The following PTPRJ variants were observed in gnomAD, a reference collection of about 807,000 sequenced individuals.
The protein encoded by PTPRJ is protein tyrosine phosphatase receptor type J.
PTPRJ carries 129 observed loss-of-function variants against 141.3 expected under a neutral mutation model. The observed-to-expected ratio is 0.91, with a 90% CI of 0.79 to 1.06. The LOEUF is 1.06. Among genes scored for constraint, PTPRJ ranks in the 50% least tolerant of loss-of-function variants. PTPRJ has a pLI of 0.00. For synonymous variants in PTPRJ, 610 were observed against 640.5 expected, an observed-to-expected ratio of 0.95 and a Z score of 0.72; for missense variants, 1,601 against 1,679.7, an observed-to-expected ratio of 0.95 and a Z score of 0.82.
chr11:48,054,817 C>CT (rs34013393), intron 1 of PTPRJ, among the ~76,000 whole-genome samples: 22,723 of 140,368 alleles, frequency 0.16, 2,141 homozygotes, highest in African/African-American at 0.27. Context: ...TCCTTTCTTT[C>CT]TTTTTTTTTT....
At chr11:48,119,186 T>C (rs1856643611) in intron 3 of PTPRJ, among the ~76,000 whole-genome samples, 1 of 152,160 alleles carries the variant, frequency 6.6e-6, no homozygotes, top group Non-Finnish European at 1.5e-5. Context: ...TGTTGTTTCA[T>C]CATCCTCGTC....
intron 1 of PTPRJ, among the ~76,000 whole-genome samples, chr11:48,054,288 CA>C (rs1373252186): frequency 6.6e-6 from 1 of 152,188 alleles, no homozygotes; most frequent in Non-Finnish European, 1.5e-5. Context: ...TAGACTTGGA[CA>C]GGGGGCCCCA....
At position 48,021,376 on chromosome 11, in the gene PTPRJ, AAAATAAATAAAT is replaced by A. The variant is rs71457241; in HGVS notation, c.96+40404_96+40415del. Among the ~76,000 whole-genome samples the A allele has an allele frequency of 5.8e-3, 793 of 136,520 alleles. 1 individual carries two copies. Among genetic ancestry groups the A allele is most frequent in the African/African-American group, 0.014 (516 of 36,510 alleles). 89.6% of individuals were successfully genotyped at this position (136,520 alleles called of 152,430 possible). On this transcript the variant is annotated intron_variant, in intron 1 of 24. Transcript: ENST00000418331. Reference sequence around the variant, plus strand: ...GCGGCAAGAGCAAGACTCCGTCCCTAAAATAAATAAATAAATAAATAAATAAATAAATAAATA... The same window carrying A: ...GCGGCAAGAGCAAGACTCCGTCCCTAAAATAAATAAATAAATAAATAAATA...
chr11:48,023,194 T>C (rs751005535), intron 1 of PTPRJ, among the ~76,000 whole-genome samples: 2 of 152,160 alleles, frequency 1.3e-5, no homozygotes, highest in Non-Finnish European at 2.9e-5. Context: ...AAATTTAGTT[T>C]GCTGGAAGTC....
At position 48,135,170 on chromosome 11, in the gene PTPRJ, C is replaced by CT. The variant is rs36040052; in HGVS notation, c.1616-848dup. On this transcript the variant is annotated intron_variant, in intron 8 of 24. Transcript: ENST00000418331. ...CCACTTCAGATGACCCCTTGAAGGG[C>CT]TTTTTTTTTTTTTTTTTTTTTGAGA... Among the ~76,000 whole-genome samples the CT allele has an allele frequency of 6.8e-3, 587 of 86,718 alleles. 12 individuals carry two copies. Among genetic ancestry groups the CT allele is most frequent in the South Asian group, 0.025 (59 of 2,374 alleles). 56.9% of individuals were successfully genotyped at this position (86,718 alleles called of 152,430 possible). A position where few individuals can be genotyped will look rare whatever the true frequency, so the allele number is the denominator to read the frequency against.
At chr11:48,096,804 A>T (rs567942864) in intron 1 of PTPRJ, 1 of 154,806 alleles carries the variant, frequency 6.5e-6, no homozygotes, top group East Asian at 1.9e-4. Flanking sequence ...ATAAGAACAG[A>T]GGCCCAGATT....
intron 1 of PTPRJ, among the ~76,000 whole-genome samples, chr11:48,107,055 C>T (rs1373031584): frequency 6.6e-6 from 1 of 152,056 alleles, no homozygotes; most frequent in Admixed American, 6.6e-5. Context: ...AAGTGTGAGC[C>T]ACTGCTCCCG....
At chr11:48,145,794 G>C (rs1279059839) in intron 14 of PTPRJ, among the ~76,000 whole-genome samples, 1 of 151,668 alleles carries the variant, frequency 6.6e-6, no homozygotes, top group Non-Finnish European at 1.5e-5. Flanking sequence ...CCTGACCTCA[G>C]GTGATCTGCC....
intron 1 of PTPRJ, among the ~76,000 whole-genome samples, chr11:48,074,041 T>C (rs1855335493): frequency 6.6e-6 from 1 of 152,140 alleles, no homozygotes; most frequent in Non-Finnish European, 1.5e-5. Context: ...GTGCAGTGGC[T>C]CGATCATGGC....
chr11:48,071,902 A>AT (rs35087042), intron 1 of PTPRJ, among the ~76,000 whole-genome samples: 45,922 of 82,576 alleles, frequency 0.56, 16,428 homozygotes, highest in East Asian at 0.77. Context: ...ACGCCTGGCC[A>AT]TTTTTTTTTT....
chr11:48,035,320 C>T (rs1854091870), intron 1 of PTPRJ, among the ~76,000 whole-genome samples: 2 of 152,182 alleles, frequency 1.3e-5, no homozygotes, highest in African/African-American at 2.4e-5. Context: ...TAGGGCTTTC[C>T]TAAAGCACCG....
intron 1 of PTPRJ, among the ~76,000 whole-genome samples, chr11:48,003,970 T>A (rs1048143410): frequency 6.6e-6 from 1 of 152,216 alleles, no homozygotes; most frequent in African/African-American, 2.4e-5. Flanking sequence ...AATAATTGTT[T>A]ATGTTTTGTA....
At chr11:48,112,399 G>A (rs552122872) in intron 2 of PTPRJ, among the ~76,000 whole-genome samples, 11 of 152,336 alleles carry the variant, frequency 7.2e-5, no homozygotes, top group African/African-American at 2.6e-4. Context: ...AGAGACTCTA[G>A]GAGACTAGTA....
intron 1 of PTPRJ, among the ~76,000 whole-genome samples, chr11:48,092,294 C>CAAAAAAAAAAAAAAAAAAAAAA (rs3971621): frequency 8.5e-5 from 4 of 46,956 alleles, no homozygotes; most frequent in Non-Finnish European, 7.8e-5. Flanking sequence ...GATTTCATCT[C>CAAAAAAAAAAAAAAAAAAAAAA]AAAAAAAAAA....
chr11:48,150,832 A>C (rs1857463829), intron 18 of PTPRJ, among the ~76,000 whole-genome samples: 1 of 152,186 alleles, frequency 6.6e-6, no homozygotes. Flanking sequence ...CCTGTCCAGC[A>C]TCTCTGCCTT....
chr11:48,133,146 G>A (rs1857018386), intron 8 of PTPRJ, among the ~76,000 whole-genome samples: 1 of 152,138 alleles, frequency 6.6e-6, no homozygotes, highest in South Asian at 2.1e-4. Flanking sequence ...TATCATTTCT[G>A]TCTTACAGAG....
chr11:48,117,540 C>CAAAAAAAAAAAA (rs71045545), intron 3 of PTPRJ, among the ~76,000 whole-genome samples: 2 of 19,696 alleles, frequency 1.0e-4, no homozygotes, highest in African/African-American at 4.8e-4. Context: ...GATTCTGTCT[C>CAAAAAAAAAAAA]AAAAAAAAAA....
chr11:48,045,994 A>G (rs145640734), intron 1 of PTPRJ, among the ~76,000 whole-genome samples: 211 of 152,090 alleles, frequency 1.4e-3, no homozygotes, highest in Middle Eastern at 6.8e-3. Flanking sequence ...GTGACTTGCT[A>G]CCTTATGGAG....
chr11:48,113,764 G>C (rs1403393361), intron 3 of PTPRJ, among the ~76,000 whole-genome samples: 3 of 152,026 alleles, frequency 2.0e-5, no homozygotes, highest in Non-Finnish European at 4.4e-5. Context: ...ATATGATTTG[G>C]GATGACACTG....
Sources: gnomAD v4.1 joint callset for allele counts (sites outside exome capture counted in the v4.1 genomes callset) on GRCh38, gnomAD v4.1.1 for gene constraint, MANE v1.5 for transcripts, NCBI Gene and HGNC (gene_info 2026-07-23, HGNC 2026-07-21) for gene names.